The following ATP8A1 variants were observed in gnomAD, a reference collection of about 807,000 sequenced individuals.
The protein encoded by ATP8A1 is ATPase phospholipid transporting 8A1, also known as phospholipid-transporting ATPase IA.
ATP8A1 carries 90 observed loss-of-function variants against 177.7 expected under a neutral mutation model. The observed-to-expected ratio is 0.51, with a 90% CI of 0.43 to 0.60. The LOEUF (loss-of-function observed/expected upper bound fraction) is 0.60, where lower values mean the gene tolerates loss of function less well. ATP8A1 is among the 20% of genes least tolerant of loss of function. The probability of loss-of-function intolerance (pLI) is 0.00; values close to 1 mark genes in which losing one functional copy is unlikely to be tolerated. For missense variants in ATP8A1, 1,072 were observed against 1,392.8 expected, an observed-to-expected ratio of 0.77 and a Z score of 3.67; for synonymous variants, 493 against 485.9, an observed-to-expected ratio of 1.01 and a Z score of -0.19.
intron 1 of ATP8A1, among the ~76,000 whole-genome samples, chr4:42,651,674 C>A (rs994479770): frequency 3.9e-5 from 6 of 152,188 alleles, no homozygotes; most frequent in Non-Finnish European, 8.8e-5. Context: ...AACCTGTTTG[C>A]CTTTCACCCT....
At position 42,656,945 on chromosome 4, in the gene ATP8A1, C is replaced by G; in HGVS notation, c.-72G>C. On this transcript the variant is annotated 5_prime_UTR_variant, in exon 1 of 37. Transcript: ENST00000381668. ...TCACGGCGTGGTACACGCGGGAGAC[C>G]CGGCTGCGCCGCGCAGAGCGCTCAG... is the stretch of plus-strand genomic sequence containing the variant. The G allele has an allele frequency of 7.2e-7, 1 of 1,387,292 alleles. No individual in the cohort carries two copies. Among genetic ancestry groups the G allele is most frequent in the Non-Finnish European group, 9.5e-7 (1 of 1,049,310 alleles). 85.9% of individuals were successfully genotyped at this position (1,387,292 alleles called of 1,614,324 possible).
At chr4:42,556,864 C>A (rs1378887299) in intron 15 of ATP8A1, among the ~76,000 whole-genome samples, 1 of 152,078 alleles carries the variant, frequency 6.6e-6, no homozygotes, top group Non-Finnish European at 1.5e-5. Flanking sequence ...TTTCAGATTT[C>A]ACTGAGGGAA....
chr4:42,656,774 C>A (rs1471257041), intron 1 of ATP8A1, 51 bp downstream of exon 1: 23 of 1,505,670 alleles, frequency 1.5e-5, no homozygotes, highest in Middle Eastern at 3.4e-4. Context: ...CGCTCACACA[C>A]ACACTCGCTT....
intron 25 of ATP8A1, among the ~76,000 whole-genome samples, chr4:42,474,252 G>A (rs186664560): frequency 6.6e-6 from 1 of 152,272 alleles, no homozygotes; most frequent in Admixed American, 6.5e-5. Flanking sequence ...CGGCATGGAG[G>A]AAAAGAGTGG....
chr4:42,619,049 A>T (rs1560526067), intron 4 of ATP8A1, among the ~76,000 whole-genome samples: 1 of 144,852 alleles, frequency 6.9e-6, no homozygotes, highest in Non-Finnish European at 1.6e-5. Flanking sequence ...GCCTAGTGTG[A>T]TTTTTTTGTT....
chr4:42,505,086 T>C (rs1235767362), intron 23 of ATP8A1, among the ~76,000 whole-genome samples: 1 of 152,228 alleles, frequency 6.6e-6, no homozygotes, highest in Non-Finnish European at 1.5e-5. Context: ...TTTATAGCAA[T>C]CATTGATAGC....
intron 3 of ATP8A1, 37 bp from the exon 4 acceptor site, chr4:42,624,671 G>A: frequency 6.1e-6 from 7 of 1,140,348 alleles, no homozygotes; most frequent in Non-Finnish European, 8.4e-6. Context: ...AATCCAATGA[G>A]AACTAGAAAA....
At chr4:42,649,331 C>G (rs1490869176) in intron 1 of ATP8A1, among the ~76,000 whole-genome samples, 2 of 152,096 alleles carry the variant, frequency 1.3e-5, no homozygotes, top group Non-Finnish European at 2.9e-5. Flanking sequence ...TATATTGGCA[C>G]AGATATCCAT....
At chr4:42,477,606 T>C (rs1721212822) in intron 25 of ATP8A1, among the ~76,000 whole-genome samples, 1 of 152,178 alleles carries the variant, frequency 6.6e-6, no homozygotes, top group Non-Finnish European at 1.5e-5. Context: ...AGGAAACCTC[T>C]GTGGTATCCC....
At chr4:42,564,110 G>C (rs572325596) in intron 15 of ATP8A1, among the ~76,000 whole-genome samples, 79 of 152,262 alleles carry the variant, frequency 5.2e-4, no homozygotes, top group African/African-American at 1.7e-3. Flanking sequence ...GCGGGGCGGG[G>C]AAAATTGAGG....
chr4:42,507,598 G>A (rs1051620757), intron 22 of ATP8A1, among the ~76,000 whole-genome samples: 2 of 151,496 alleles, frequency 1.3e-5, no homozygotes, highest in Non-Finnish European at 2.9e-5. Flanking sequence ...GCATGGTGGT[G>A]TGTGCCTGTA....
intron 5 of ATP8A1, among the ~76,000 whole-genome samples, chr4:42,605,860 T>C (rs1450600416): frequency 7.2e-5 from 11 of 152,228 alleles, no homozygotes; most frequent in Admixed American, 7.2e-4. Context: ...AACTTTTAAA[T>C]ACATATTCAA....
At chr4:42,503,284 A>G (rs1312853105) in intron 24 of ATP8A1, among the ~76,000 whole-genome samples, 166 bp downstream of exon 24, 1 of 152,250 alleles carries the variant, frequency 6.6e-6, no homozygotes, top group Non-Finnish European at 1.5e-5. Context: ...GAATCAATTT[A>G]CATCAATGTG....
At chr4:42,481,414 T>C (rs1404983590) in intron 25 of ATP8A1, among the ~76,000 whole-genome samples, 1 of 152,190 alleles carries the variant, frequency 6.6e-6, no homozygotes, top group Non-Finnish European at 1.5e-5. Flanking sequence ...ATCACTGATA[T>C]TCCAATCTCT....
chr4:42,586,722 T>C (rs1733648867), intron 8 of ATP8A1, among the ~76,000 whole-genome samples: 1 of 152,210 alleles, frequency 6.6e-6, no homozygotes, highest in Admixed American at 6.5e-5. Context: ...GACTATAAGC[T>C]AGTCTACAAA....
At chr4:42,555,195 T>TATCTATCC (rs1730063668) in intron 16 of ATP8A1, among the ~76,000 whole-genome samples, 2 of 125,900 alleles carry the variant, frequency 1.6e-5, no homozygotes, top group Admixed American at 8.0e-5. Flanking sequence ...TCTATCTATC[T>TATCTATCC]ATCCTATTAG....
chr4:42,508,188 A>G (rs1225442497), intron 22 of ATP8A1, among the ~76,000 whole-genome samples: 1 of 152,160 alleles, frequency 6.6e-6, no homozygotes, highest in Non-Finnish European at 1.5e-5. Context: ...GCTGAAGTAC[A>G]GTGGTGCCAT....
intron 31 of ATP8A1, among the ~76,000 whole-genome samples, chr4:42,446,321 A>T (rs1240899708): frequency 6.6e-6 from 1 of 151,366 alleles, no homozygotes; most frequent in Non-Finnish European, 1.5e-5. Flanking sequence ...GAGAAAGGAG[A>T]CCCCCCAGAT....
intron 31 of ATP8A1, among the ~76,000 whole-genome samples, chr4:42,446,052 C>G (rs1260257894): frequency 7.6e-6 from 1 of 131,300 alleles, no homozygotes; most frequent in Non-Finnish European, 1.6e-5. Flanking sequence ...TGCACTCCAG[C>G]CTGGGCGACA....
Sources: allele counts gnomAD v4.1 joint callset (sites outside exome capture counted in the v4.1 genomes callset), GRCh38; gene constraint gnomAD v4.1.1; transcripts MANE v1.5; gene names NCBI Gene and HGNC (gene_info 2026-07-23, HGNC 2026-07-21).